SLC24A3: variants seen among roughly 807,000 people sequenced by gnomAD.
SLC24A3 encodes the protein solute carrier family 24 member 3.
Under a neutral mutation model 75.8 loss-of-function variants are expected in SLC24A3, and 28 were observed. The ratio of observed to expected loss-of-function variants is 0.37; its 90% confidence interval spans 0.27 to 0.51. The LOEUF is 0.51. Among genes scored for constraint, SLC24A3 ranks in the 20% least tolerant of loss-of-function variants. The pLI is 0.94. For missense variants in SLC24A3, 663 were observed against 847.8 expected (o/e 0.78, Z 2.71); for synonymous variants, 372 against 334.1 (o/e 1.11, Z -1.24).
At position 19,677,013 on chromosome 20, in the gene SLC24A3, G is replaced by T. The variant is rs559766597; in HGVS notation, c.767+3359G>T. ...TTATTATATATATTCCATGAGAACG[G>T]AATGTGACAGCTTAGTTAAGCTGTC... On this transcript the variant is annotated intron_variant, in intron 9 of 16. Coordinates refer to ENST00000328041, the MANE Select transcript of SLC24A3 (RefSeq NM_020689.4). Among the ~76,000 whole-genome samples, 20 of 152,298 alleles carry T rather than the reference G, an allele frequency of 1.3e-4. No individual in the cohort carries two copies. In the South Asian group the frequency reaches 3.7e-3, roughly 28 times the overall value.
At chr20:19,354,962 G>A (rs1985650989) in intron 2 of SLC24A3, among the ~76,000 whole-genome samples, 1 of 152,064 alleles carries the variant, frequency 6.6e-6, no homozygotes, top group African/African-American at 2.4e-5. Context: ...GCTCTTCCCT[G>A]TAAGGCAAAA....
chr20:19,310,931 C>T (rs1184987745), intron 2 of SLC24A3, among the ~76,000 whole-genome samples: 1 of 152,160 alleles, frequency 6.6e-6, no homozygotes, highest in Non-Finnish European at 1.5e-5. Context: ...ATTTGCTTTG[C>T]TGGAGTCTTT....
intron 3 of SLC24A3, among the ~76,000 whole-genome samples, chr20:19,545,768 AG>A (rs139347260): frequency 0.05 from 7,594 of 152,230 alleles, 268 homozygotes; most frequent in Non-Finnish European, 0.076. Context: ...GAACAGTGTA[AG>A]TTTTGTTTTT....
chr20:19,407,792 A>G (rs1004155072), intron 2 of SLC24A3, among the ~76,000 whole-genome samples: 8 of 152,220 alleles, frequency 5.3e-5, no homozygotes. Context: ...GTCAGTCTCT[A>G]TCATGGCGTC....
intron 16 of SLC24A3, among the ~76,000 whole-genome samples, chr20:19,717,928 C>T (rs572888232): frequency 6.6e-6 from 1 of 152,278 alleles, no homozygotes; most frequent in African/African-American, 2.4e-5. Flanking sequence ...GGTTCCCATA[C>T]GAATCCATGA....
chr20:19,275,382 T>G (rs1183137384), intron 1 of SLC24A3, among the ~76,000 whole-genome samples: 1 of 152,216 alleles, frequency 6.6e-6, no homozygotes, highest in Non-Finnish European at 1.5e-5. Context: ...TTGCTGATGA[T>G]GCAGCAAACT....
At chr20:19,544,106 G>A (rs1199892181) in intron 3 of SLC24A3, among the ~76,000 whole-genome samples, 1 of 152,188 alleles carries the variant, frequency 6.6e-6, no homozygotes, top group African/African-American at 2.4e-5. Flanking sequence ...CAGCCTGACT[G>A]TCCACTTGAT....
At chr20:19,616,972 A>G (rs565734236) in intron 6 of SLC24A3, among the ~76,000 whole-genome samples, 15 of 152,222 alleles carry the variant, frequency 9.9e-5, no homozygotes, top group African/African-American at 3.1e-4. Context: ...CATCCATTCA[A>G]TGTTTGTTGA....
chr20:19,657,500 A>T (rs1370016649), intron 7 of SLC24A3, among the ~76,000 whole-genome samples: 1 of 152,248 alleles, frequency 6.6e-6, no homozygotes, highest in Non-Finnish European at 1.5e-5. Context: ...TTGCATAGAA[A>T]TGATAATTTC....
chr20:19,688,008 G>C (rs1194732792), intron 12 of SLC24A3, among the ~76,000 whole-genome samples: 1 of 152,154 alleles, frequency 6.6e-6, no homozygotes, highest in Non-Finnish European at 1.5e-5. Flanking sequence ...CTGAAGCACA[G>C]ACAGGAGAGA....
At chr20:19,402,614 A>G (rs1986572704) in intron 2 of SLC24A3, among the ~76,000 whole-genome samples, 1 of 152,266 alleles carries the variant, frequency 6.6e-6, no homozygotes, top group South Asian at 2.1e-4. Context: ...AACATTTAAA[A>G]TCTATTGGGC....
At chr20:19,376,115 G>A (rs1399858530) in intron 2 of SLC24A3, among the ~76,000 whole-genome samples, 1 of 152,072 alleles carries the variant, frequency 6.6e-6, no homozygotes, top group East Asian at 1.9e-4. Context: ...GTGTGTGGGG[G>A]TACACACTGA....
chr20:19,647,060 G>T (rs545486972), intron 6 of SLC24A3, among the ~76,000 whole-genome samples: 1 of 152,012 alleles, frequency 6.6e-6, no homozygotes, highest in Non-Finnish European at 1.5e-5. Flanking sequence ...TCTGCCCTTG[G>T]GGTAGGAGGT....
chr20:19,398,420 G>C (rs868329146), intron 2 of SLC24A3, among the ~76,000 whole-genome samples: 44 of 152,016 alleles, frequency 2.9e-4, no homozygotes, highest in Admixed American at 2.3e-3. Flanking sequence ...CATTTTTGAC[G>C]TTAAAAAGTG....
At chr20:19,331,400 G>T (rs1347256989) in intron 2 of SLC24A3, among the ~76,000 whole-genome samples, 4 of 152,068 alleles carry the variant, frequency 2.6e-5, no homozygotes, top group Admixed American at 6.6e-5. Context: ...AGATAGAGTA[G>T]ATATGATTGA....
intron 3 of SLC24A3, among the ~76,000 whole-genome samples, chr20:19,578,315 C>CT (rs1343454871): frequency 6.6e-6 from 1 of 151,140 alleles, no homozygotes; most frequent in East Asian, 1.9e-4. Flanking sequence ...TGTGGGTGTA[C>CT]TTTTCGTGTA....
intron 16 of SLC24A3, among the ~76,000 whole-genome samples, chr20:19,720,558 C>A (rs2033093805): frequency 6.6e-6 from 1 of 151,722 alleles, no homozygotes; most frequent in Non-Finnish European, 1.5e-5. Context: ...GAACTTCTCA[C>A]CTCCAGACGC....
intron 15 of SLC24A3, among the ~76,000 whole-genome samples, chr20:19,704,818 A>C (rs1461643970): frequency 6.6e-6 from 1 of 152,148 alleles, no homozygotes; most frequent in Non-Finnish European, 1.5e-5. Context: ...GGTAGTGCAG[A>C]GTAAGGTGGG....
chr20:19,262,901 A>G (rs1297657515), intron 1 of SLC24A3, among the ~76,000 whole-genome samples: 3 of 151,946 alleles, frequency 2.0e-5, no homozygotes. Context: ...TAGTCACAAT[A>G]TTTGCCCCGA....
Sources: allele counts gnomAD v4.1 joint callset (sites outside exome capture counted in the v4.1 genomes callset), GRCh38; gene constraint gnomAD v4.1.1; transcripts MANE v1.5; gene names NCBI Gene and HGNC (gene_info 2026-07-23, HGNC 2026-07-21).